Variants in RPS6KA5 observed in about 807,000 individuals in gnomAD.
The protein encoded by RPS6KA5 is ribosomal protein S6 kinase A5.
RPS6KA5 carries 27 observed loss-of-function variants against 85.5 expected under a neutral mutation model. The observed-to-expected ratio is 0.32, with a 90% CI of 0.23 to 0.44. The LOEUF is 0.44. Among genes scored for constraint, RPS6KA5 ranks in the 20% least tolerant of loss-of-function variants. The pLI is 1.00. For missense variants in RPS6KA5, 811 were observed against 980.9 expected, an observed-to-expected ratio of 0.83 and a Z score of 2.31; for synonymous variants, 334 against 348.2, an observed-to-expected ratio of 0.96 and a Z score of 0.46.
intron 4 of RPS6KA5, among the ~76,000 whole-genome samples, chr14:90,947,024 C>A (rs1595297052): frequency 6.6e-6 from 1 of 152,314 alleles, no homozygotes; most frequent in African/African-American, 2.4e-5. Context: ...ATAACTCTTA[C>A]TCTCCAACCT....
chr14:91,026,997 TAA>T (rs1374430071), intron 1 of RPS6KA5, among the ~76,000 whole-genome samples: 2 of 152,272 alleles, frequency 1.3e-5, no homozygotes, highest in African/African-American at 4.8e-5. Flanking sequence ...TTGAATTGTT[TAA>T]GTCCTTTATA....
intron 1 of RPS6KA5, among the ~76,000 whole-genome samples, chr14:91,058,870 C>T (rs2043455288): frequency 6.6e-6 from 1 of 152,158 alleles, no homozygotes; most frequent in Non-Finnish European, 1.5e-5. Flanking sequence ...AATTAAGTCA[C>T]CACACTGGCA....
Position 90,854,961 on chromosome 14 carries a change from C to A in RPS6KA5, c.*17113G>T, listed in dbSNP as rs1370118970. 6.6e-6 allele frequency: 1 copy of A among 152,132 alleles called. No individual in the cohort carries two copies. Among genetic ancestry groups the A allele is most frequent in the Non-Finnish European group, 1.5e-5 (1 of 68,010 alleles). 9.4% of individuals were successfully genotyped at this position (152,132 alleles called of 1,614,324 possible). A position where few individuals can be genotyped will look rare whatever the true frequency, so the allele number is the denominator to read the frequency against. Reference sequence around the variant, plus strand: ...AAAACACTCTGCAGTTAGAAACAATCTTATTTACATTTTCTATAAAAGTAT... The same window carrying A: ...AAAACACTCTGCAGTTAGAAACAATATTATTTACATTTTCTATAAAAGTAT... On this transcript the variant is annotated 3_prime_UTR_variant, in exon 17 of 17. Coordinates refer to ENST00000614987, the MANE Select transcript of RPS6KA5 (RefSeq NM_004755.4).
At chr14:90,878,295 C>G (rs966330198) in intron 14 of RPS6KA5, among the ~76,000 whole-genome samples, 1 of 152,156 alleles carries the variant, frequency 6.6e-6, no homozygotes, top group Non-Finnish European at 1.5e-5. Context: ...GTACTGTGGT[C>G]TTGATTAAAC....
At position 90,868,997 on chromosome 14, in the gene RPS6KA5, T is replaced by C. The variant is rs937480214; in HGVS notation, c.*3077A>G. The C allele has an allele frequency of 6.6e-6, 1 of 152,234 alleles. No individual in the cohort carries two copies. The highest frequency in any genetic ancestry group is 2.4e-5 in the African/African-American group (1 of 41,460). 9.4% of individuals were successfully genotyped at this position (152,234 alleles called of 1,614,324 possible). ...AACTCAGGAGACTGACTTTCTATTC[T>C]AGTAATTCAGTGGTTTCTTACTTTA... is the stretch of plus-strand genomic sequence containing the variant. On this transcript the variant is annotated 3_prime_UTR_variant, in exon 17 of 17. Transcript: ENST00000614987.
intron 3 of RPS6KA5, among the ~76,000 whole-genome samples, chr14:90,954,808 G>A (rs889700672): frequency 1.3e-5 from 2 of 152,212 alleles, no homozygotes; most frequent in Non-Finnish European, 2.9e-5. Flanking sequence ...AGTTCTAGTA[G>A]TTTGTGTCTT....
intron 7 of RPS6KA5, among the ~76,000 whole-genome samples, chr14:90,919,794 T>C (rs1376939532): frequency 6.6e-6 from 1 of 152,230 alleles, no homozygotes; most frequent in Non-Finnish European, 1.5e-5. Context: ...TTTGTTTCTA[T>C]TGAGACTACA....
chr14:91,014,201 T>G (rs1435104074), intron 1 of RPS6KA5, among the ~76,000 whole-genome samples: 1 of 152,116 alleles, frequency 6.6e-6, no homozygotes, highest in Non-Finnish European at 1.5e-5. Context: ...AATGTATTTT[T>G]AAAACATGAG....
At chr14:90,933,366 C>T (rs940642336) in intron 5 of RPS6KA5, among the ~76,000 whole-genome samples, 2 of 152,142 alleles carry the variant, frequency 1.3e-5, no homozygotes, top group African/African-American at 4.8e-5. Context: ...TCCCCATCAG[C>T]AGCCTACCCC....
chr14:90,964,089 C>T (rs1047925829), intron 3 of RPS6KA5, among the ~76,000 whole-genome samples: 8 of 152,104 alleles, frequency 5.3e-5, no homozygotes, highest in Non-Finnish European at 7.4e-5. Flanking sequence ...ATGTAAAAAA[C>T]GGACTGGAAA....
At position 90,951,613 on chromosome 14, in the gene RPS6KA5, A is replaced by C. The variant is rs187216910; in HGVS notation, c.395-4063T>G. ...ATTAAAAAATGACTCGTGGTTTAAT[A>C]ATAGACTGGGCACCAAAGGGCTATT... On this transcript the variant is annotated intron_variant, in intron 3 of 16. Transcript: ENST00000614987. 5.9e-5 allele frequency among the ~76,000 whole-genome samples: 9 copies of C among 152,326 alleles called. No individual in the cohort carries two copies. In the East Asian group the frequency reaches 1.7e-3, roughly 29 times the overall value.
chr14:90,933,841 G>A (rs888268306), intron 5 of RPS6KA5, among the ~76,000 whole-genome samples: 1 of 151,932 alleles, frequency 6.6e-6, no homozygotes, highest in Non-Finnish European at 1.5e-5. Flanking sequence ...TGCCCACAAC[G>A]GCCTCTAACC....
chr14:90,886,154 C>A (rs1053574326), intron 14 of RPS6KA5, among the ~76,000 whole-genome samples: 2 of 151,640 alleles, frequency 1.3e-5, no homozygotes, highest in Non-Finnish European at 1.5e-5. Flanking sequence ...TAAAGAAGAG[C>A]GTGCACACTA....
chr14:91,040,987 G>C (rs1005050017), intron 1 of RPS6KA5, among the ~76,000 whole-genome samples: 7 of 152,134 alleles, frequency 4.6e-5, no homozygotes, highest in African/African-American at 1.7e-4. Context: ...AGAAACAGCT[G>C]GTATCAACTG....
chr14:90,892,737 C>A (rs1283096481), intron 13 of RPS6KA5, among the ~76,000 whole-genome samples: 5 of 152,158 alleles, frequency 3.3e-5, no homozygotes, highest in Non-Finnish European at 5.9e-5. Context: ...CCTTAAAGTG[C>A]CACATGGGAA....
At chr14:90,894,331 C>T in intron 13 of RPS6KA5, 82 bp downstream of exon 13, 1 of 1,409,450 alleles carries the variant, frequency 7.1e-7, no homozygotes, top group Non-Finnish European at 9.3e-7. Flanking sequence ...AAGGAAACCT[C>T]CCCAGAAACT....
chr14:91,043,942 G>A (rs868548524), intron 1 of RPS6KA5, among the ~76,000 whole-genome samples: 1 of 152,128 alleles, frequency 6.6e-6, no homozygotes, highest in Non-Finnish European at 1.5e-5. Context: ...AATTATCCAA[G>A]TAGGCAGGAC....
At chr14:91,039,085 A>G (rs1023727495) in intron 1 of RPS6KA5, among the ~76,000 whole-genome samples, 2 of 152,150 alleles carry the variant, frequency 1.3e-5, no homozygotes, top group Non-Finnish European at 2.9e-5. Context: ...CCATCCCCAT[A>G]CCATTCAAGT....
At chr14:90,908,937 G>C (rs1166334396) in intron 7 of RPS6KA5, among the ~76,000 whole-genome samples, 1 of 152,236 alleles carries the variant, frequency 6.6e-6, no homozygotes, top group Non-Finnish European at 1.5e-5. Context: ...CAATGGTTGA[G>C]TGTGTCTTGT....
Sources: allele counts gnomAD v4.1 joint callset (sites outside exome capture counted in the v4.1 genomes callset), GRCh38; gene constraint gnomAD v4.1.1; transcripts MANE v1.5; gene names NCBI Gene and HGNC (gene_info 2026-07-23, HGNC 2026-07-21).